Variants in GSDME observed in about 807,000 individuals in gnomAD.
The protein encoded by GSDME is gasdermin-E.
In GSDME, 44 loss-of-function variants were observed where a neutral mutation model predicts 47.5. The observed-to-expected ratio is 0.93, with a 90% confidence interval of 0.73 to 1.19. The LOEUF is 1.19. GSDME is among the 50% of genes most tolerant of loss of function. The pLI, the probability that GSDME is intolerant of heterozygous loss-of-function variation, is 0.00. For missense variants in GSDME, 663 were observed against 604.2 expected, an observed-to-expected ratio of 1.10 and a Z score of -1.02; for synonymous variants, 258 against 252.8, an observed-to-expected ratio of 1.02 and a Z score of -0.20.
In GSDME at chr7:24,706,264, T is replaced by A; in HGVS notation, c.1103A>T (p.Gln368Leu). ...AFLQLVGCSL[Q>L]GGCPGPEDAG... ...ATCCTCGGGGCCCGGACACCCACCC[T>A]GTAAGCTGCACCCCACCAGCTGCAG... is the stretch of plus-strand genomic sequence containing the variant. The change falls in exon 8 of 10, where the codon CAG becomes CTG. Residue 368 changes from glutamine (Q) to leucine (L), a missense_variant. Coordinates refer to ENST00000645220, the MANE Select transcript of GSDME (RefSeq NM_001127453.2). The A allele has an allele frequency of 6.2e-7, 1 of 1,614,194 alleles. No homozygotes were observed.
At position 24,725,477 on chromosome 7, in the gene GSDME, G is replaced by T. The variant is rs1789934595; in HGVS notation, c.405-6259C>A. Among the ~76,000 whole-genome samples, 1 of 152,128 alleles carries T rather than the reference G, an allele frequency of 6.6e-6. No homozygotes were observed. The highest frequency in any genetic ancestry group is 1.5e-5 in the Non-Finnish European group (1 of 68,026). On this transcript the variant is annotated intron_variant, in intron 3 of 9. Transcript: ENST00000645220. The surrounding 1 kb of genome is among the most constrained non-coding windows in gnomAD (Gnocchi z 5.1). ...AGATACCAAGTTAAACAAGGAAGGG[G>T]TTTATTCGGCCGGGAGCGTCGGCAA... is the stretch of plus-strand genomic sequence containing the variant.
At chr7:24,784,935 C>A in the GSDME span, among the ~76,000 whole-genome samples, 12 of 152,126 alleles carry the variant, frequency 7.9e-5, no homozygotes, top group African/African-American at 2.9e-4. Flanking sequence ...CTCTCCCAAT[C>A]CACTGACTCA....
chr7:24,707,535 C>T (rs1789163649), intron 7 of GSDME: 2 of 412,104 alleles, frequency 4.9e-6, no homozygotes, highest in Admixed American at 5.9e-5. Context: ...GAGTAGTGGC[C>T]CACCAACATA....
intron 9 of GSDME, among the ~76,000 whole-genome samples, chr7:24,701,923 T>TACC (rs1266280193): frequency 1.3e-5 from 2 of 152,208 alleles, no homozygotes; most frequent in African/African-American, 4.8e-5. Context: ...AGTAGATGTA[T>TACC]ACCAAATGTC....
chr7:24,737,563 C>T (rs1790349589), intron 3 of GSDME, among the ~76,000 whole-genome samples: 1 of 151,802 alleles, frequency 6.6e-6, no homozygotes, highest in Admixed American at 6.6e-5. Context: ...TGAATGTTAC[C>T]AAACATTTAA....
rs1375983248 is a variant in GSDME at position 24,714,279 on chromosome 7, C to T, written c.697+2975G>A. Among the ~76,000 whole-genome samples the T allele has an allele frequency of 1.3e-5, 2 of 152,198 alleles. No individual in the cohort carries two copies. The highest frequency in any genetic ancestry group is 2.1e-4 in the South Asian group (1 of 4,816). The stretch of plus-strand genomic sequence containing the variant: ...TGCCTCCCTTCGAGGTTTCAAAGGA[C>T]GACCAGGATCTCTGTCAAATGCAAT... On this transcript the variant is annotated intron_variant, in intron 5 of 9. Coordinates refer to ENST00000645220, the MANE Select transcript of GSDME (RefSeq NM_001127453.2). This position sits in a 1 kb window ranked among gnomAD's most constrained non-coding sequence, Gnocchi z 5.0.
At chr7:24,771,320 A>G in the GSDME span, among the ~76,000 whole-genome samples, 3 of 152,234 alleles carry the variant, frequency 2.0e-5, no homozygotes, top group African/African-American at 7.2e-5. This position sits in a 1 kb window ranked among gnomAD's most constrained non-coding sequence, Gnocchi z 4.1. Context: ...TTTGTGGTGG[A>G]CACATTAATG....
intron 3 of GSDME, among the ~76,000 whole-genome samples, chr7:24,720,446 C>T (rs974841857): frequency 3.3e-5 from 5 of 152,182 alleles, no homozygotes; most frequent in African/African-American, 9.7e-5. Flanking sequence ...CCTAGACAGA[C>T]TCAGGTTCTC....
intron 9 of GSDME, among the ~76,000 whole-genome samples, chr7:24,699,552 C>A (rs1788776184): frequency 6.6e-6 from 1 of 152,282 alleles, no homozygotes; most frequent in South Asian, 2.1e-4. Flanking sequence ...GTTGGCCAGG[C>A]TGGTCTCAAA....
rs569015156 is a variant in GSDME at position 24,721,052 on chromosome 7, A to G, written c.405-1834T>C. 5.9e-5 allele frequency among the ~76,000 whole-genome samples: 9 copies of G among 152,374 alleles called. No homozygotes were observed. The South Asian group carries it at 1.0e-3, about 18-fold the overall frequency. On this transcript the variant is annotated intron_variant, in intron 3 of 9. Transcript: ENST00000645220. The surrounding 1 kb of genome is among the most constrained non-coding windows in gnomAD (Gnocchi z 4.1). ...TGAAATATCTGGAACAGGCAAATTC[A>G]TAATGACAGAAAGCAGATTGGAGGT...
At chr7:24,789,585 C>T in the GSDME span, among the ~76,000 whole-genome samples, 1 of 152,210 alleles carries the variant, frequency 6.6e-6, no homozygotes, top group African/African-American at 2.4e-5. Context: ...CTATAGATAA[C>T]AGAAGCAGTT....
At chr7:24,775,836 C>T in the GSDME span, among the ~76,000 whole-genome samples, 1 of 131,508 alleles carries the variant, frequency 7.6e-6, no homozygotes, top group Non-Finnish European at 1.6e-5. Context: ...GATCATGCCA[C>T]TGCACTCCAG....
In GSDME at chr7:24,716,220, G is replaced by A. The variant is rs988506622; in HGVS notation, c.697+1034C>T. On this transcript the variant is annotated intron_variant, in intron 5 of 9. Transcript: ENST00000645220. This position sits in a 1 kb window ranked among gnomAD's most constrained non-coding sequence, Gnocchi z 4.5. ...CAAACTGCACAGGAATAGAGAGGAG[G>A]AGCGTGAACCAGCGTGTGCCCATCA... 1.3e-5 allele frequency among the ~76,000 whole-genome samples: 2 copies of A among 152,166 alleles called. No individual in the cohort carries two copies. Among genetic ancestry groups the A allele is most frequent in the African/African-American group, 2.4e-5 (1 of 41,434 alleles).
At chr7:24,717,783 C>G (rs953356788) in intron 4 of GSDME, among the ~76,000 whole-genome samples, 3 of 152,176 alleles carry the variant, frequency 2.0e-5, no homozygotes, top group African/African-American at 4.8e-5. Context: ...GCCCCCTACC[C>G]CGTGCATATC....
chr7:24,789,056 G>C, the GSDME span, among the ~76,000 whole-genome samples: 1 of 152,178 alleles, frequency 6.6e-6, no homozygotes, highest in Non-Finnish European at 1.5e-5. Context: ...GGGATGCAGA[G>C]ATGTGACTTT....
In GSDME at chr7:24,721,296, A is replaced by T. The variant is rs80113696; in HGVS notation, c.405-2078T>A. ...ATAAGACATAGGAAAAACGGGTTCA[A>T]TCTTAGTACTGGTTAAGGAAATTCA... On this transcript the variant is annotated intron_variant, in intron 3 of 9. Coordinates refer to ENST00000645220, the MANE Select transcript of GSDME (RefSeq NM_001127453.2). The surrounding 1 kb of genome is among the most constrained non-coding windows in gnomAD (Gnocchi z 4.1). Among the ~76,000 whole-genome samples the T allele has an allele frequency of 5.1e-4, 78 of 152,386 alleles. No individual in the cohort carries two copies. The highest frequency in any genetic ancestry group is 1.9e-3 in the African/African-American group (77 of 41,596).
At chr7:24,753,871 G>A (rs985749088) in intron 1 of GSDME, among the ~76,000 whole-genome samples, 3 of 152,184 alleles carry the variant, frequency 2.0e-5, no homozygotes, top group African/African-American at 7.2e-5. Context: ...GAACAACAGA[G>A]TTTATCATGC....
rs1789901963 is a variant in GSDME, at chr7:24,724,494, G to A, written c.405-5276C>T. On this transcript the variant is annotated intron_variant, in intron 3 of 9. Transcript: ENST00000645220. The surrounding 1 kb of genome is among the most constrained non-coding windows in gnomAD (Gnocchi z 4.8). ...TTCTTCCTGGCGGGGGCGGCAACGT[G>A]AAAGCAAGAACAGGAGGCCACTGAG... 1.3e-5 allele frequency among the ~76,000 whole-genome samples: 2 copies of A among 152,214 alleles called. No homozygotes were observed. The highest frequency in any genetic ancestry group is 2.9e-5 in the Non-Finnish European group (2 of 68,046).
chr7:24,749,271 G>T (rs1271154794), intron 2 of GSDME, among the ~76,000 whole-genome samples: 2 of 152,096 alleles, frequency 1.3e-5, no homozygotes, highest in Non-Finnish European at 2.9e-5. Flanking sequence ...GGAGACCGAG[G>T]TGGGTGGACC....
Sources: gnomAD v4.1 joint callset for allele counts (sites outside exome capture counted in the v4.1 genomes callset) on GRCh38, gnomAD v4.1.1 for gene constraint, Gnocchi (gnomAD v3.1) non-coding constraint, MANE v1.5 for transcripts, NCBI Gene and HGNC (gene_info 2026-07-23, HGNC 2026-07-21) for gene names.